The following CTNNA3 variants were observed in gnomAD, a reference collection of about 807,000 sequenced individuals.
CTNNA3 encodes catenin alpha 3, also known as catenin alpha-3.
In CTNNA3, 76 loss-of-function variants were observed where a neutral mutation model predicts 95.7. That is an observed-to-expected ratio of 0.79 (90% CI 0.66 to 0.96). The LOEUF (loss-of-function observed/expected upper bound fraction) is 0.96. Among genes scored for constraint, CTNNA3 ranks in the 40% least tolerant of loss-of-function variants. The pLI is 0.00. For synonymous variants in CTNNA3, 431 were observed against 374.4 expected, an observed-to-expected ratio of 1.15 and a Z score of -1.74; for missense variants, 1,191 against 1,089.8, an observed-to-expected ratio of 1.09 and a Z score of -1.31.
intron 5 of CTNNA3, among the ~76,000 whole-genome samples, chr10:67,231,119 G>C (rs1175304198): frequency 6.6e-6 from 1 of 152,208 alleles, no homozygotes. Flanking sequence ...CCATTGCCCA[G>C]GCCTGCTTAG....
chr10:65,920,982 T>G (rs562005460), intron 17 of CTNNA3, among the ~76,000 whole-genome samples: 1 of 152,352 alleles, frequency 6.6e-6, no homozygotes, highest in African/African-American at 2.4e-5. Context: ...CAATTAACTC[T>G]TATGCTAATT....
At chr10:67,416,918 A>G (rs1457039382) in intron 5 of CTNNA3, among the ~76,000 whole-genome samples, 2 of 152,190 alleles carry the variant, frequency 1.3e-5, no homozygotes, top group Non-Finnish European at 2.9e-5. Flanking sequence ...CATAGCTACC[A>G]TTAGACCCAG....
At chr10:66,427,843 A>G (rs1328737681) in intron 11 of CTNNA3, among the ~76,000 whole-genome samples, 3 of 152,176 alleles carry the variant, frequency 2.0e-5, no homozygotes, top group Non-Finnish European at 4.4e-5. Flanking sequence ...AACTGCATCA[A>G]CTAATGAGCA....
In CTNNA3 at chr10:66,351,379, A is replaced by G. The variant is rs560265177; in HGVS notation, c.1732+27773T>C. 5.3e-5 allele frequency among the ~76,000 whole-genome samples: 8 copies of G among 152,224 alleles called. No homozygotes were observed. The South Asian group carries it at 1.7e-3, about 32-fold the overall frequency. On this transcript the variant is annotated intron_variant, in intron 12 of 17. Transcript: ENST00000433211. Reference sequence around the variant, plus strand: ...CTGAGAGAAGTTAAATAACTTACCTACAATATCAGAATAAAGTTGGGATTT... The same window carrying G: ...CTGAGAGAAGTTAAATAACTTACCTGCAATATCAGAATAAAGTTGGGATTT...
At chr10:66,203,312 G>T (rs1400815194) in intron 13 of CTNNA3, among the ~76,000 whole-genome samples, 1 of 152,080 alleles carries the variant, frequency 6.6e-6, no homozygotes, top group Non-Finnish European at 1.5e-5. Flanking sequence ...TATAAAATGA[G>T]CAAGATTGTA....
intron 11 of CTNNA3, among the ~76,000 whole-genome samples, chr10:66,382,883 T>A (rs2092853422): frequency 6.6e-6 from 1 of 151,758 alleles, no homozygotes; most frequent in Non-Finnish European, 1.5e-5. Context: ...CAGAAAGGAG[T>A]AGCATCAACA....
chr10:66,179,634 T>C (rs1330664300), intron 13 of CTNNA3, among the ~76,000 whole-genome samples: 1 of 152,150 alleles, frequency 6.6e-6, no homozygotes. Flanking sequence ...TCTGAAAGGA[T>C]CTCCATAAAG....
intron 9 of CTNNA3, among the ~76,000 whole-genome samples, chr10:66,681,071 G>C (rs188193299): frequency 2.0e-5 from 3 of 152,310 alleles, no homozygotes; most frequent in African/African-American, 4.8e-5. Flanking sequence ...TTTCACTGAT[G>C]AAACAGTTTG....
intron 13 of CTNNA3, among the ~76,000 whole-genome samples, chr10:66,244,368 C>T (rs2090224364): frequency 6.6e-6 from 1 of 152,164 alleles, no homozygotes. Flanking sequence ...TTGCCACTGG[C>T]TGACTGTAGA....
chr10:67,628,262 AAG>A (rs201233507), intron 2 of CTNNA3, among the ~76,000 whole-genome samples: 3,755 of 147,300 alleles, frequency 0.025, 149 homozygotes, highest in African/African-American at 0.093. Context: ...AAAAAAAAAA[AAG>A]GGGAGAAACA....
intron 13 of CTNNA3, among the ~76,000 whole-genome samples, chr10:66,248,956 T>C (rs533071784): frequency 2.6e-5 from 4 of 152,066 alleles, no homozygotes; most frequent in Non-Finnish European, 5.9e-5. Context: ...AACAGACACA[T>C]AGACCAATGG....
At chr10:66,501,126 C>T (rs1233944436) in intron 11 of CTNNA3, among the ~76,000 whole-genome samples, 1 of 152,046 alleles carries the variant, frequency 6.6e-6, no homozygotes, top group Non-Finnish European at 1.5e-5. Flanking sequence ...GGTAATTACA[C>T]ATTTTACAAA....
chr10:67,258,497 A>G (rs1239078928), intron 5 of CTNNA3, among the ~76,000 whole-genome samples: 1 of 152,176 alleles, frequency 6.6e-6, no homozygotes, highest in Non-Finnish European at 1.5e-5. Context: ...TCTTAAAGTA[A>G]CAATTTATAG....
At chr10:66,527,675 G>A (rs908143991) in intron 10 of CTNNA3, among the ~76,000 whole-genome samples, 3 of 152,014 alleles carry the variant, frequency 2.0e-5, no homozygotes, top group African/African-American at 7.2e-5. Flanking sequence ...CTTATTCCTA[G>A]GCATTTCATT....
chr10:66,259,201 T>C (rs758698273), intron 13 of CTNNA3, among the ~76,000 whole-genome samples: 4 of 152,198 alleles, frequency 2.6e-5, no homozygotes, highest in Non-Finnish European at 5.9e-5. Context: ...GGCCTCTTAA[T>C]GGAATCGTTT....
At chr10:67,375,972 A>C (rs1403513832) in intron 5 of CTNNA3, among the ~76,000 whole-genome samples, 1 of 152,174 alleles carries the variant, frequency 6.6e-6, no homozygotes, top group Admixed American at 6.5e-5. Context: ...AAAAGAGGCC[A>C]AAAGGAACCC....
chr10:66,668,519 A>T (rs953181472), intron 9 of CTNNA3, among the ~76,000 whole-genome samples: 1 of 151,930 alleles, frequency 6.6e-6, no homozygotes, highest in East Asian at 1.9e-4. Context: ...AATCTTATAT[A>T]TAAAATATAT....
At chr10:67,223,973 T>C (rs1450057174) in intron 5 of CTNNA3, among the ~76,000 whole-genome samples, 1 of 152,190 alleles carries the variant, frequency 6.6e-6, no homozygotes, top group Non-Finnish European at 1.5e-5. Context: ...CAAATAAAAA[T>C]TGTGTAGATT....
chr10:67,598,505 T>C (rs1377833343), intron 3 of CTNNA3, among the ~76,000 whole-genome samples: 1 of 152,152 alleles, frequency 6.6e-6, no homozygotes, highest in South Asian at 2.1e-4. Flanking sequence ...CGAAGTACTG[T>C]TCAGAATGTG....
Sources: allele counts gnomAD v4.1 joint callset (sites outside exome capture counted in the v4.1 genomes callset), GRCh38; gene constraint gnomAD v4.1.1; transcripts MANE v1.5; gene names NCBI Gene and HGNC (gene_info 2026-07-23, HGNC 2026-07-21).